The following CFAP92 variants were observed in gnomAD, a reference collection of about 807,000 sequenced individuals.
CFAP92 encodes uncharacterized protein CFAP92.
A neutral mutation model predicts 106.3 loss-of-function variants in CFAP92; 86 were observed. The ratio of observed to expected loss-of-function variants is 0.81; its 90% CI spans 0.68 to 0.97. CFAP92 has a LOEUF of 0.97. Ranked by LOEUF, CFAP92 falls within the 50% of genes least tolerant of loss-of-function variation. CFAP92 has a pLI of 0.00. For synonymous variants in CFAP92, 477 were observed against 506.4 expected, an observed-to-expected ratio of 0.94 and a Z score of 0.78; for missense variants, 1,204 against 1,283.8, an observed-to-expected ratio of 0.94 and a Z score of 0.95.
At chr3:128,995,453 G>A (rs1107137), upstream of CFAP92, among the ~76,000 whole-genome samples, 11,018 of 152,242 alleles carry the variant, frequency 0.072, 1,034 homozygotes, top group African/African-American at 0.22. Flanking sequence ...ACTGCTGTCT[G>A]TATGCCAGGA....
At chr3:128,916,016 TGA>T in intron 13 of CFAP92, 89 bp downstream of exon 13, 1 of 932,710 alleles carries the variant, frequency 1.1e-6, no homozygotes, top group Non-Finnish European at 1.4e-6. Flanking sequence ...TCTGTATAGT[TGA>T]GATCCCCCAC....
At chr3:129,019,394 C>A in the CFAP92 span, among the ~76,000 whole-genome samples, 4 of 152,274 alleles carry the variant, frequency 2.6e-5, no homozygotes, top group Admixed American at 2.6e-4. Context: ...TTTAGAAGCC[C>A]AGTCAGTCCA....
Position 128,935,407 on chromosome 3 carries a change from T to C in CFAP92, c.2259-88A>G, listed in dbSNP as rs1938889663. On this transcript the variant is annotated intron_variant, in intron 10 of 15. Coordinates refer to ENST00000645291, the MANE Select transcript of CFAP92 (RefSeq NM_001394090.1). ...GGTGCGCTGTCAGGTACAGCTTTTA[T>C]GTTATTTAAAAACAAACCCAGGGGC... The C allele has an allele frequency of 4.3e-6, 4 of 920,426 alleles. No individual in the cohort carries two copies. In the East Asian group the frequency reaches 1.1e-4, roughly 25 times the overall value. 57.0% of individuals were successfully genotyped at this position (920,426 alleles called of 1,614,324 possible).
chr3:128,912,853 C>A (rs769955629), intron 15 of CFAP92: 2 of 660,320 alleles, frequency 3.0e-6, no homozygotes, highest in Non-Finnish European at 2.8e-6. Flanking sequence ...GAATTGCTGA[C>A]CCCTGGAACT....
chr3:128,923,227 A>T (rs1357008850), intron 12 of CFAP92, among the ~76,000 whole-genome samples: 3 of 152,200 alleles, frequency 2.0e-5, no homozygotes, highest in Non-Finnish European at 2.9e-5. Flanking sequence ...GGACCCAACC[A>T]TGGAGGGGGT....
At chr3:128,948,667 T>C (rs1399323188) in intron 9 of CFAP92, among the ~76,000 whole-genome samples, 1 of 151,584 alleles carries the variant, frequency 6.6e-6, no homozygotes, top group Non-Finnish European at 1.5e-5. Context: ...GTAGCTGGGA[T>C]TACAGGCACG....
chr3:129,024,360 T>C, the CFAP92 span, among the ~76,000 whole-genome samples: 14 of 151,820 alleles, frequency 9.2e-5, no homozygotes, highest in Non-Finnish European at 1.6e-4. Context: ...GGTAAAACCC[T>C]TTCTCTACTA....
In CFAP92 at chr3:128,988,719, C is replaced by T; in HGVS notation, c.453+9G>A. The T allele has an allele frequency of 6.2e-7, 1 of 1,613,562 alleles. No individual in the cohort carries two copies. Among genetic ancestry groups the T allele is most frequent in the Non-Finnish European group, 8.5e-7 (1 of 1,179,652 alleles). On this transcript the variant is annotated intron_variant, in intron 3 of 15. Transcript: ENST00000645291. ...CCATACACAAGGCCACACACACTCA[C>T]ACACGCACCTTTACTCCTGACTCCA... is the stretch of plus-strand genomic sequence containing the variant.
At chr3:128,964,793 C>G (rs111661376) in intron 9 of CFAP92, among the ~76,000 whole-genome samples, 13,020 of 152,184 alleles carry the variant, frequency 0.086, 744 homozygotes, top group Middle Eastern at 0.13. Flanking sequence ...CTCCCTTCAG[C>G]TTAATCTCTC....
At chr3:128,941,310 T>C (rs1430668209) in intron 10 of CFAP92, among the ~76,000 whole-genome samples, 3 of 152,138 alleles carry the variant, frequency 2.0e-5, no homozygotes, top group Non-Finnish European at 4.4e-5. Flanking sequence ...TTTTTTAAAT[T>C]TCTTATAATT....
chr3:129,014,422 C>T, the CFAP92 span, among the ~76,000 whole-genome samples: 1 of 152,228 alleles, frequency 6.6e-6, no homozygotes, highest in African/African-American at 2.4e-5. This position sits in a 1 kb window ranked among gnomAD's most constrained non-coding sequence, Gnocchi z 4.3. Context: ...CTCTCCTGGG[C>T]TGGCAGCCAG....
At position 128,993,034 on chromosome 3, in the gene CFAP92, A is replaced by G; in HGVS notation, c.262+9T>C. On this transcript the variant is annotated intron_variant, in intron 2 of 15. Coordinates refer to ENST00000645291, the MANE Select transcript of CFAP92 (RefSeq NM_001394090.1). ...TCAGAGGGTGTTAAACTTCTGCTCTAGCACCTACCCATATTCACAGGGAAG... is the reference window on the plus strand; with the variant it reads ...TCAGAGGGTGTTAAACTTCTGCTCTGGCACCTACCCATATTCACAGGGAAG... 1 of 1,613,978 alleles carries G rather than the reference A, an allele frequency of 6.2e-7. No individual in the cohort carries two copies. Among genetic ancestry groups the G allele is most frequent in the Non-Finnish European group, 8.5e-7 (1 of 1,179,844 alleles).
At chr3:128,922,535 A>G (rs2107687783) in intron 12 of CFAP92, among the ~76,000 whole-genome samples, 1 of 152,260 alleles carries the variant, frequency 6.6e-6, no homozygotes, top group Admixed American at 6.5e-5. Flanking sequence ...CTGACAGAAG[A>G]CCTATTTGTA....
intron 12 of CFAP92, among the ~76,000 whole-genome samples, chr3:128,926,627 A>T (rs1937677606): frequency 6.6e-6 from 1 of 152,214 alleles, no homozygotes; most frequent in Non-Finnish European, 1.5e-5. Context: ...AAGGACAGAG[A>T]AGGAAGAAAA....
the CFAP92 span, among the ~76,000 whole-genome samples, chr3:129,023,310 C>CTTTTT: frequency 7.2e-6 from 1 of 138,164 alleles, no homozygotes. Flanking sequence ...CCTCTTGCTT[C>CTTTTT]TTTTTTTTTT....
At chr3:128,976,712 TCA>T (rs1943180044) in intron 6 of CFAP92, among the ~76,000 whole-genome samples, 1 of 152,198 alleles carries the variant, frequency 6.6e-6, no homozygotes, top group Non-Finnish European at 1.5e-5. Context: ...AATTACTCAG[TCA>T]CCTTTTTAGG....
intron 9 of CFAP92, among the ~76,000 whole-genome samples, chr3:128,964,421 C>T (rs1200361503): frequency 6.6e-6 from 1 of 152,212 alleles, no homozygotes; most frequent in African/African-American, 2.4e-5. Flanking sequence ...TCTAGTCATA[C>T]TCCTATTCAC....
At chr3:129,015,873 A>T in the CFAP92 span, among the ~76,000 whole-genome samples, 3 of 151,624 alleles carry the variant, frequency 2.0e-5, no homozygotes, top group Non-Finnish European at 2.9e-5. Context: ...AGGAAACGCC[A>T]TGCAGCAAAG....
At position 128,943,557 on chromosome 3, in the gene CFAP92, C is replaced by T. The variant is rs112139154; in HGVS notation, c.2258+1514G>A. ...CATTTCTTTTTTTTTTTTCTTGAGA[C>T]GGAGTTTCGCTCTTGTTTCCCAGGC... On this transcript the variant is annotated intron_variant, in intron 10 of 15. Coordinates refer to ENST00000645291, the MANE Select transcript of CFAP92 (RefSeq NM_001394090.1). Among the ~76,000 whole-genome samples, 9 of 150,310 alleles carry T rather than the reference C, an allele frequency of 6.0e-5. No individual in the cohort carries two copies. In the East Asian group the frequency reaches 7.8e-4, roughly 13 times the overall value.
Sources: gnomAD v4.1 joint callset for allele counts (sites outside exome capture counted in the v4.1 genomes callset) on GRCh38, gnomAD v4.1.1 for gene constraint, Gnocchi (gnomAD v3.1) non-coding constraint, MANE v1.5 for transcripts, NCBI Gene and HGNC (gene_info 2026-07-23, HGNC 2026-07-21) for gene names.